Variants in ADRA1A observed in about 807,000 individuals in gnomAD.
ADRA1A encodes the protein alpha-1A adrenergic receptor.
In ADRA1A, 31 loss-of-function variants were observed where a neutral mutation model predicts 29.6. That is an observed-to-expected ratio of 1.05 (90% confidence interval 0.79 to 1.41). The LOEUF is 1.41. ADRA1A is among the 40% of genes most tolerant of loss of function. ADRA1A has a pLI of 0.00. For missense variants in ADRA1A, 619 were observed against 601.1 expected (o/e 1.03, Z -0.31); for synonymous variants, 311 against 254.3 (o/e 1.22, Z -2.12).
chr8:26,774,341 T>A (rs1347126389), intron 2 of ADRA1A, among the ~76,000 whole-genome samples: 1 of 152,322 alleles, frequency 6.6e-6, no homozygotes, highest in East Asian at 1.9e-4. Context: ...CTCATAGCTA[T>A]GCTTCCTTCA....
intron 2 of ADRA1A, among the ~76,000 whole-genome samples, chr8:26,797,987 C>CTTTTTTTTTTTTTTTTTT (rs35607881): frequency 1.5e-4 from 23 of 148,562 alleles, no homozygotes; most frequent in African/African-American, 4.7e-4. Context: ...GTAAGTTAGT[C>CTTTTTTTTTTTTTTTTTT]TTTTTTTTTT....
At chr8:26,859,525 T>C (rs1430001227) in intron 2 of ADRA1A, among the ~76,000 whole-genome samples, 4 of 152,218 alleles carry the variant, frequency 2.6e-5, no homozygotes, top group Non-Finnish European at 5.9e-5. Flanking sequence ...TTTGTCTCCT[T>C]AACTAGACTG....
At chr8:26,835,450 C>A (rs1172024655) in intron 2 of ADRA1A, among the ~76,000 whole-genome samples, 1 of 152,100 alleles carries the variant, frequency 6.6e-6, no homozygotes, top group Non-Finnish European at 1.5e-5. Flanking sequence ...GCTGGGGAGG[C>A]CTCAGGAAAC....
At chr8:26,784,181 T>C (rs965456088) in intron 2 of ADRA1A, among the ~76,000 whole-genome samples, 3 of 152,154 alleles carry the variant, frequency 2.0e-5, no homozygotes, top group Non-Finnish European at 4.4e-5. Flanking sequence ...GAACTTAAAA[T>C]AAAAGTTGAA....
chr8:26,829,572 G>A (rs1217316703), intron 2 of ADRA1A, among the ~76,000 whole-genome samples: 11 of 152,048 alleles, frequency 7.2e-5, no homozygotes, highest in African/African-American at 1.9e-4. Flanking sequence ...AATGAATGAC[G>A]AAAGGAAAAA....
intron 2 of ADRA1A, among the ~76,000 whole-genome samples, chr8:26,849,425 T>A (rs17056067): frequency 0.16 from 24,875 of 152,212 alleles, 3,680 homozygotes; most frequent in African/African-American, 0.4. Context: ...AGGCGGTCAG[T>A]CATGCCACCC....
chr8:26,804,615 G>T (rs530161799), intron 2 of ADRA1A, among the ~76,000 whole-genome samples: 9 of 152,274 alleles, frequency 5.9e-5, no homozygotes, highest in Non-Finnish European at 1.2e-4. Context: ...TTCCATGGGT[G>T]TCAGAGTTGT....
chr8:26,755,101 TAAG>T (rs1442800781), downstream of ADRA1A, among the ~76,000 whole-genome samples: 1 of 152,248 alleles, frequency 6.6e-6, no homozygotes, highest in Non-Finnish European at 1.5e-5. Context: ...ATTTGCTTGT[TAAG>T]AAGTCCAAAG....
intron 2 of ADRA1A, among the ~76,000 whole-genome samples, chr8:26,812,238 T>C (rs1809446070): frequency 6.6e-6 from 1 of 152,210 alleles, no homozygotes; most frequent in African/African-American, 2.4e-5. Context: ...CCTCCTCCTC[T>C]GCTCCCACTC....
At chr8:26,858,497 T>C (rs1813205046) in intron 2 of ADRA1A, among the ~76,000 whole-genome samples, 1 of 152,208 alleles carries the variant, frequency 6.6e-6, no homozygotes, top group Non-Finnish European at 1.5e-5. Context: ...AGCTGACCTA[T>C]ATAACATCCC....
intron 2 of ADRA1A, among the ~76,000 whole-genome samples, chr8:26,849,993 AT>A: frequency 7.7e-6 from 1 of 130,370 alleles, no homozygotes; most frequent in East Asian, 2.3e-4. Context: ...TTAAAAAAAA[AT>A]AGTAAAAAAG....
In ADRA1A at chr8:26,866,014, G is replaced by A. The variant is rs536725932; in HGVS notation, c.-686-359C>T. ...CCCCGGAGGGGCGACTGCGGCTGGC[G>A]AGTGTGTCGCACGGATCCTAGCCGG... On this transcript the variant is annotated intron_variant, in intron 1 of 2. Transcript: ENST00000380573. The surrounding 1 kb of genome is among the most constrained non-coding windows in gnomAD (Gnocchi z 5.7). Among the ~76,000 whole-genome samples, 10 of 152,360 alleles carry A rather than the reference G, an allele frequency of 6.6e-5. No individual in the cohort carries two copies. In the South Asian group the frequency reaches 1.9e-3, roughly 28 times the overall value.
intron 2 of ADRA1A, among the ~76,000 whole-genome samples, chr8:26,822,840 G>A (rs1810273725): frequency 6.6e-6 from 1 of 152,178 alleles, no homozygotes; most frequent in Non-Finnish European, 1.5e-5. Flanking sequence ...AGGGGAAGGA[G>A]GCACATAGCT....
chr8:26,867,175 A>G lies in ADRA1A; in HGVS notation c.-926T>C, dbSNP rs913767720. ...AAGAGTCAAAATAAGAAAAGAAAAA[A>G]AAATGCAGATAACCGGTAACTCCAC... is the stretch of plus-strand genomic sequence containing the variant. On this transcript the variant is annotated 5_prime_UTR_variant, in exon 1 of 3. Transcript: ENST00000380573. The G allele has an allele frequency of 4.1e-6, 4 of 985,368 alleles. No homozygotes were observed. In the African/African-American group the frequency reaches 7.0e-5, roughly 17 times the overall value. 61.0% of individuals were successfully genotyped at this position (985,368 alleles called of 1,614,324 possible).
At chr8:26,838,636 C>G (rs992248040) in intron 2 of ADRA1A, among the ~76,000 whole-genome samples, 3 of 152,156 alleles carry the variant, frequency 2.0e-5, no homozygotes, top group Non-Finnish European at 2.9e-5. Flanking sequence ...GAACTGAGCC[C>G]TGGAGAGAAG....
chr8:26,811,633 C>T (rs1809406047), intron 2 of ADRA1A, among the ~76,000 whole-genome samples: 1 of 152,204 alleles, frequency 6.6e-6, no homozygotes, highest in African/African-American at 2.4e-5. Context: ...TTTGCGATCA[C>T]TCTTAAATTT....
downstream of ADRA1A, among the ~76,000 whole-genome samples, chr8:26,761,955 G>A (rs1261272838): frequency 6.6e-6 from 1 of 152,174 alleles, no homozygotes; most frequent in Non-Finnish European, 1.5e-5. Flanking sequence ...GTTTTGCTTA[G>A]GGTATACATT....
chr8:26,835,903 G>A (rs1811317364), intron 2 of ADRA1A: 1 of 153,846 alleles, frequency 6.5e-6, no homozygotes, highest in Non-Finnish European at 1.5e-5. Context: ...GCCCCAGGGT[G>A]AGGATCACCA....
intron 2 of ADRA1A, among the ~76,000 whole-genome samples, chr8:26,813,014 C>T (rs538089439): frequency 2.3e-4 from 33 of 145,954 alleles, no homozygotes; most frequent in Admixed American, 2.1e-3. Context: ...ATAAAGACCT[C>T]TAGTTTGATA....
Sources: allele counts gnomAD v4.1 joint callset (sites outside exome capture counted in the v4.1 genomes callset), GRCh38; gene constraint gnomAD v4.1.1; non-coding constraint Gnocchi (gnomAD v3.1); transcripts MANE v1.5; gene names NCBI Gene and HGNC (gene_info 2026-07-23, HGNC 2026-07-21).